The following PITRM1 variants were observed in gnomAD, a reference collection of about 807,000 sequenced individuals.
The protein encoded by PITRM1 is presequence protease, mitochondrial.
PITRM1 carries 100 observed loss-of-function variants against 129.9 expected under a neutral mutation model. That is an observed-to-expected ratio of 0.77 (90% CI 0.65 to 0.91). PITRM1 has a LOEUF of 0.91. Among genes scored for constraint, PITRM1 ranks in the 40% least tolerant of loss-of-function variants. The pLI is 0.00. For missense variants in PITRM1, 1,471 were observed against 1,318.3 expected (o/e 1.12, Z -1.79); for synonymous variants, 591 against 508.8 (o/e 1.16, Z -2.17).
At chr10:3,149,366 G>A in intron 16 of PITRM1, 2 of 323,922 alleles carry the variant, frequency 6.2e-6, no homozygotes, top group East Asian at 1.0e-4. Flanking sequence ...CCTTTCCAAA[G>A]CTTCATAGGC....
In PITRM1 at chr10:3,160,347, A is replaced by G; in HGVS notation, c.792-17T>C. ...GTGAAGAACCTAAAATTTTAAGGGA[A>G]TATAATTAGTCTGTTTTAGTTTAAA... On this transcript the variant is annotated splice_polypyrimidine_tract_variant and intron_variant, in intron 7 of 26. Transcript: ENST00000224949. The G allele has an allele frequency of 6.3e-7, 1 of 1,587,710 alleles. No individual in the cohort carries two copies. The highest frequency in any genetic ancestry group is 8.6e-7 in the Non-Finnish European group (1 of 1,156,238).
chr10:3,147,180 T>C lies in PITRM1; in HGVS notation c.2306A>G (p.Lys769Arg), dbSNP rs1415550078. 2.5e-6 allele frequency: 4 copies of C among 1,600,394 alleles called. No individual in the cohort carries two copies. The East Asian group carries it at 8.9e-5, about 36-fold the overall frequency. The change falls in exon 20 of 27, where the codon AAG becomes AGG. Residue 769 changes from lysine to arginine, a missense_variant. Transcript: ENST00000224949. The part of the protein sequence containing the change: ...KPILRKLPRI[K>R]KHLLNGDNMR... ...ATTATCACCATTTAACAAGTGTTTCTTGATACGCGGGAGCTTCCTCAGGAT... is the reference window on the plus strand; with the variant it reads ...ATTATCACCATTTAACAAGTGTTTCCTGATACGCGGGAGCTTCCTCAGGAT...
chr10:3,147,339 G>T, intron 19 of PITRM1, 89 bp from the exon 20 acceptor site: 1 of 1,076,084 alleles, frequency 9.3e-7, no homozygotes, highest in Non-Finnish European at 1.4e-6. Context: ...TCAGAACCCT[G>T]CTTGGGCAGG....
At position 3,147,755 on chromosome 10, in the gene PITRM1, G is replaced by A. The variant is rs1373680316; in HGVS notation, c.2070-18C>T. On this transcript the variant is annotated intron_variant, in intron 18 of 26. Transcript: ENST00000224949. ...AGCACGGGCTATGGAAAAAGGAGAAGAAAAAATTCCTGGAGACCCATTCCT... is the reference window on the plus strand; with the variant it reads ...AGCACGGGCTATGGAAAAAGGAGAAAAAAAAATTCCTGGAGACCCATTCCT... The A allele has an allele frequency of 6.4e-7, 1 of 1,557,204 alleles. No individual in the cohort carries two copies. Among genetic ancestry groups the A allele is most frequent in the African/African-American group, 1.4e-5 (1 of 72,510 alleles).
At chr10:3,164,023 T>TTA in intron 6 of PITRM1, 138 bp from the exon 7 acceptor site, 2 of 333,120 alleles carry the variant, frequency 6.0e-6, no homozygotes, top group Admixed American at 5.2e-5. Context: ...TCTAATGGTT[T>TTA]AAAAAAAAAA....
rs146913490 is a variant in PITRM1 at position 3,164,517 on chromosome 10, C to T, written c.631-632G>A. Among the ~76,000 whole-genome samples the T allele has an allele frequency of 2.4e-3, 362 of 152,212 alleles. 3 individuals are homozygous for T. Among genetic ancestry groups the T allele is most frequent in the African/African-American group, 8.1e-3 (337 of 41,538 alleles). On this transcript the variant is annotated intron_variant, in intron 6 of 26. Coordinates refer to ENST00000224949, the MANE Select transcript of PITRM1 (RefSeq NM_014889.4). ...TTTTTTGTAAAAAATCAGACCTTGGCGATGACCTTGAGCTGTAGGACATAA... is the reference window on the plus strand; with the variant it reads ...TTTTTTGTAAAAAATCAGACCTTGGTGATGACCTTGAGCTGTAGGACATAA...
At chr10:3,147,310 G>T in intron 19 of PITRM1, 60 bp from the exon 20 acceptor site, 1 of 1,258,192 alleles carries the variant, frequency 7.9e-7, no homozygotes, top group Non-Finnish European at 1.2e-6. Context: ...CGCTGAGTCT[G>T]AACCAAGCAC....
At chr10:3,170,409 G>T (rs1247507341) in intron 1 of PITRM1, among the ~76,000 whole-genome samples, 2 of 152,128 alleles carry the variant, frequency 1.3e-5, no homozygotes, top group African/African-American at 2.4e-5. Context: ...CTTAACTAAA[G>T]CTTCAATGTT....
intron 7 of PITRM1, 98 bp downstream of exon 7, chr10:3,163,627 A>G (rs1184750121): frequency 1.3e-5 from 13 of 1,027,902 alleles, no homozygotes; most frequent in Non-Finnish European, 1.9e-5. Context: ...TTTCTTAAGC[A>G]TTGCTAAATG....
chr10:3,170,343 G>A lies in PITRM1; in HGVS notation c.57-137C>T, dbSNP rs116753757. The A allele has an allele frequency of 2.0e-3, 1,231 of 605,746 alleles. 10 individuals carry two copies. Among genetic ancestry groups the A allele is most frequent in the African/African-American group, 0.02 (1,082 of 54,328 alleles). 37.5% of individuals were successfully genotyped at this position (605,746 alleles called of 1,614,324 possible). Reference sequence around the variant, plus strand: ...TAAATATTGCATCTTCCAAAGTCTTGCACATTCCAGAAAACTGATTTCTGG... The same window carrying A: ...TAAATATTGCATCTTCCAAAGTCTTACACATTCCAGAAAACTGATTTCTGG... On this transcript the variant is annotated intron_variant, in intron 1 of 26. Coordinates refer to ENST00000224949, the MANE Select transcript of PITRM1 (RefSeq NM_014889.4).
At chr10:3,139,847 G>A (rs778994557) in intron 24 of PITRM1, among the ~76,000 whole-genome samples, 1 of 152,136 alleles carries the variant, frequency 6.6e-6, no homozygotes, top group South Asian at 2.1e-4. Context: ...AAAAACTGTT[G>A]GAATACATGT....
chr10:3,140,244 G>A (rs1840046958), intron 24 of PITRM1, among the ~76,000 whole-genome samples: 1 of 152,190 alleles, frequency 6.6e-6, no homozygotes, highest in South Asian at 2.1e-4. Context: ...TACCTAGACG[G>A]CTACTGGGTG....
At chr10:3,145,124 C>T (rs1327678386) in intron 21 of PITRM1, 1 of 157,416 alleles carries the variant, frequency 6.4e-6, no homozygotes. Context: ...TGAGCGTCAA[C>T]CTCCTCCACG....
rs1004777602 is a variant in PITRM1, at chr10:3,154,344, C to T, written c.1621+1247G>A. 3.9e-5 allele frequency among the ~76,000 whole-genome samples: 6 copies of T among 152,294 alleles called. 1 individual carries two copies. The highest frequency in any genetic ancestry group is 5.9e-5 in the Non-Finnish European group (4 of 68,032). ...CGTTAGGAGCGGGGCTTTCCTGGTCCGTGCATGTTGGCTGGCACTGTGAGA... is the reference window on the plus strand; with the variant it reads ...CGTTAGGAGCGGGGCTTTCCTGGTCTGTGCATGTTGGCTGGCACTGTGAGA... On this transcript the variant is annotated intron_variant, in intron 14 of 26. Transcript: ENST00000224949.
chr10:3,158,012 C>T, intron 11 of PITRM1, 28 bp downstream of exon 11: 1 of 1,362,556 alleles, frequency 7.3e-7, no homozygotes, highest in Non-Finnish European at 1.1e-6. Flanking sequence ...GGAACGAAAG[C>T]AGATTGTTAC....
At chr10:3,147,332 G>A in intron 19 of PITRM1, 82 bp from the exon 20 acceptor site, 1 of 1,114,842 alleles carries the variant, frequency 9.0e-7, no homozygotes, top group Non-Finnish European at 1.4e-6. Context: ...TGTGACATCA[G>A]AACCCTGCTT....
intron 24 of PITRM1, among the ~76,000 whole-genome samples, 191 bp downstream of exon 24, chr10:3,140,496 G>T (rs1840075339): frequency 6.6e-6 from 1 of 152,176 alleles, no homozygotes. Flanking sequence ...TCCTGTTTCG[G>T]CTGCTGGCCC....
At chr10:3,167,842 C>T (rs1471192376) in intron 2 of PITRM1, 3 of 151,998 alleles carry the variant, frequency 2.0e-5, no homozygotes, top group African/African-American at 4.8e-5. Context: ...GATGGGTTCT[C>T]GGTGGTAGCT....
In PITRM1 at chr10:3,147,665, A is replaced by C; in HGVS notation, c.2142T>G (p.Ile714Met). The change falls in exon 19 of 27, where the codon ATT becomes ATG. Residue 714 changes from isoleucine to methionine, a missense_variant. Ile to Met is a conservative substitution (Grantham distance 10). Transcript: ENST00000224949. The part of the protein sequence containing the change: ...KMTAQELANG[I>M]PDSGHLYASI... ...ATGCGTACAGGTGCCCAGAGTCAGGAATTCCATTGGCGAGCTCCTGGGCGG... is the reference window on the plus strand; with the variant it reads ...ATGCGTACAGGTGCCCAGAGTCAGGCATTCCATTGGCGAGCTCCTGGGCGG... The C allele has an allele frequency of 1.2e-6, 2 of 1,613,776 alleles. No homozygotes were observed. The highest frequency in any genetic ancestry group is 1.7e-6 in the Non-Finnish European group (2 of 1,179,806).
Sources: gnomAD v4.1 joint callset for allele counts (sites outside exome capture counted in the v4.1 genomes callset) on GRCh38, gnomAD v4.1.1 for gene constraint, MANE v1.5 for transcripts, NCBI Gene and HGNC (gene_info 2026-07-23, HGNC 2026-07-21) for gene names.